Variants in PLCH2 observed in about 807,000 individuals in gnomAD.
The protein encoded by PLCH2 is 1-phosphatidylinositol 4,5-bisphosphate phosphodiesterase eta-2.
PLCH2 carries 98 observed loss-of-function variants against 134.7 expected under a neutral mutation model. The observed-to-expected ratio is 0.73, with a 90% CI of 0.62 to 0.86. The LOEUF is 0.86. Among genes scored for constraint, PLCH2 ranks in the 40% least tolerant of loss-of-function variants. The pLI, the probability that PLCH2 is intolerant of heterozygous loss-of-function variation, is 0.00. For synonymous variants in PLCH2, 974 were observed against 827.5 expected, an observed-to-expected ratio of 1.18 and a Z score of -3.04; for missense variants, 1,994 against 1,986.6, an observed-to-expected ratio of 1.00 and a Z score of -0.07.
chr1:2,499,179 G>A lies in PLCH2; in HGVS notation c.2530G>A (p.Gly844Arg), dbSNP rs1643072125. ...RFLVWDHDPIGRDFIGQRTLA... is the reference protein window; with the variant it reads ...RFLVWDHDPIRRDFIGQRTLA... ...CCTCGTCTGGGACCACGATCCCATC[G>A]GGCGTGACTTCATTGGCCAGAGGAC... The change falls in exon 19 of 22, where the codon GGG becomes AGG. Residue 844 changes from glycine (G) to arginine (R), a missense_variant. Coordinates refer to ENST00000378486, the MANE Select transcript of PLCH2 (RefSeq NM_014638.4). 6.2e-7 allele frequency: 1 copy of A among 1,613,076 alleles called. No homozygotes were observed. Among genetic ancestry groups the A allele is most frequent in the African/African-American group, 1.3e-5 (1 of 74,924 alleles).
intron 1 of PLCH2, among the ~76,000 whole-genome samples, chr1:2,426,542 C>T (rs572866103): frequency 4.6e-5 from 7 of 152,330 alleles, no homozygotes; most frequent in African/African-American, 1.4e-4. Flanking sequence ...CACACGAGCT[C>T]GGCCCAGTGC....
chr1:2,489,596 G>A (rs1642459027), intron 9 of PLCH2, among the ~76,000 whole-genome samples, 164 bp from the exon 10 acceptor site: 1 of 152,236 alleles, frequency 6.6e-6, no homozygotes, highest in Non-Finnish European at 1.5e-5. Context: ...CGCTGCTGCA[G>A]CCACAGGGAG....
At chr1:2,478,442 C>A (rs760781315) in intron 1 of PLCH2, 34 bp from the exon 2 acceptor site, 5 of 1,606,176 alleles carry the variant, frequency 3.1e-6, no homozygotes, top group Non-Finnish European at 4.3e-6. Context: ...AGTGGCTGTG[C>A]CTCCGCTGAC....
chr1:2,476,734 G>T, intron 1 of PLCH2, 22 bp downstream of exon 1: 6 of 1,588,428 alleles, frequency 3.8e-6, no homozygotes, highest in South Asian at 1.1e-5. Context: ...CAGGCGAGTG[G>T]CCTGGGCTGA....
intron 2 of PLCH2, among the ~76,000 whole-genome samples, chr1:2,431,325 A>T (rs10797424): frequency 0.31 from 45,481 of 145,456 alleles, 6,906 homozygotes; most frequent in South Asian, 0.38. Flanking sequence ...GTGTGTGCCC[A>T]AGTGCGTGTG....
At chr1:2,456,387 G>A (rs895605459) in intron 2 of PLCH2, among the ~76,000 whole-genome samples, 1 of 152,204 alleles carries the variant, frequency 6.6e-6, no homozygotes, top group Non-Finnish European at 1.5e-5. Flanking sequence ...GGCCCTGGGG[G>A]GCGGGTGGCG....
intron 2 of PLCH2, among the ~76,000 whole-genome samples, chr1:2,431,154 G>C (rs1395641350): frequency 6.6e-6 from 1 of 152,110 alleles, no homozygotes; most frequent in Non-Finnish European, 1.5e-5. Context: ...GTGCGTGTGT[G>C]TGTGTGTGCA....
chr1:2,436,902 G>A (rs1489421547), intron 2 of PLCH2, among the ~76,000 whole-genome samples: 1 of 152,244 alleles, frequency 6.6e-6, no homozygotes, highest in Non-Finnish European at 1.5e-5. Flanking sequence ...TCTGGTTAGA[G>A]TGTCCCAAGA....
chr1:2,442,867 G>A (rs1396938306), intron 2 of PLCH2, among the ~76,000 whole-genome samples: 1 of 152,234 alleles, frequency 6.6e-6, no homozygotes, highest in East Asian at 1.9e-4. Flanking sequence ...TCTGGACACA[G>A]GCCAGAGCTG....
In PLCH2 at chr1:2,504,606, T is replaced by C. The variant is rs1643434139; in HGVS notation, c.3644T>C (p.Ile1215Thr). 2.5e-6 allele frequency: 4 copies of C among 1,612,646 alleles called. No homozygotes were observed. The highest frequency in any genetic ancestry group is 3.4e-6 in the Non-Finnish European group (4 of 1,179,744). ...NLRATGQRPPIPDELQPRSLA... is the reference protein window; with the variant it reads ...NLRATGQRPPTPDELQPRSLA... ...CGGGCTACAGGCCAGCGGCCTCCCA[T>C]ACCTGACGAACTGCAGCCCAGGTCC... The change falls in exon 22 of 22, where the codon ATA becomes ACA. Residue 1215 changes from isoleucine (I) to threonine (T), a missense_variant. Ile to Thr is a moderately conservative substitution (Grantham distance 89, BLOSUM62 -1). Coordinates refer to ENST00000378486, the MANE Select transcript of PLCH2 (RefSeq NM_014638.4).
At chr1:2,480,069 A>G in intron 3 of PLCH2, 92 bp downstream of exon 3, 2 of 1,579,384 alleles carry the variant, frequency 1.3e-6, no homozygotes, top group Non-Finnish European at 1.7e-6. Flanking sequence ...CGGGTCACAC[A>G]CTGGGGAAGT....
chr1:2,440,683 C>G (rs1212023036), intron 2 of PLCH2, among the ~76,000 whole-genome samples: 1 of 135,552 alleles, frequency 7.4e-6, no homozygotes, highest in Admixed American at 7.2e-5. Flanking sequence ...CCATGTCTGT[C>G]GCTGGCCTTG....
intron 11 of PLCH2, among the ~76,000 whole-genome samples, chr1:2,491,662 T>C (rs1642589143): frequency 6.6e-6 from 1 of 152,240 alleles, no homozygotes; most frequent in Non-Finnish European, 1.5e-5. Flanking sequence ...CCTCAGGGGC[T>C]GTCATGGCAG....
Position 2,459,446 on chromosome 1 carries a change from G to A in PLCH2, c.116-19030G>A, listed in dbSNP as rs1388103888. On this transcript the variant is annotated intron_variant, in intron 2 of 3. Coordinates refer to the PLCH2 transcript ENST00000609981. ...CTTGCCGGTGGTCCTCCTTGCCGGTGGTCCTCCTTCCTGGTGGTTCTCCTT... is the reference window on the plus strand; with the variant it reads ...CTTGCCGGTGGTCCTCCTTGCCGGTAGTCCTCCTTCCTGGTGGTTCTCCTT... 1.9e-4 allele frequency among the ~76,000 whole-genome samples: 13 copies of A among 68,556 alleles called. 1 individual carries two copies. Among genetic ancestry groups the A allele is most frequent in the African/African-American group, 8.6e-4 (13 of 15,180 alleles). 45.0% of individuals were successfully genotyped at this position (68,556 alleles called of 152,430 possible).
chr1:2,499,160 C>A lies in PLCH2; in HGVS notation c.2511C>A (p.Val837=). The stretch of plus-strand genomic sequence containing the variant: ...AGATCGCGCTGGTCCGCTTCCTCGT[C>A]TGGGACCACGATCCCATCGGGCGTG... ...MPEIALVRFL[V]WDHDPIGRDF... is the part of the protein sequence containing the mutation. The change falls in exon 19 of 22, where the codon GTC becomes GTA. Residue 837 remains valine (V), a synonymous_variant. Transcript: ENST00000378486. The A allele has an allele frequency of 6.2e-7, 1 of 1,613,182 alleles. No individual in the cohort carries two copies. The highest frequency in any genetic ancestry group is 8.5e-7 in the Non-Finnish European group (1 of 1,179,762).
At chr1:2,460,076 T>C (rs995173709) in intron 2 of PLCH2, among the ~76,000 whole-genome samples, 1 of 152,276 alleles carries the variant, frequency 6.6e-6, no homozygotes. Context: ...TGTCCAGCCC[T>C]GCCCAGGCCC....
rs1049649841 is a variant in PLCH2, at chr1:2,484,537, C to T, written c.735C>T (p.Tyr245=). ...TGATGTCCACCCGCCGGGACCTCTA[C>T]CTGCTCATGCTGACCTACAGCAACC... ...YKMMSTRRDL[Y]LLMLTYSNHK... is the part of the protein sequence containing the mutation. Residue 245 remains tyrosine (Y), a synonymous_variant, in exon 5 of 22, where the codon TAC becomes TAT. Coordinates refer to ENST00000378486, the MANE Select transcript of PLCH2 (RefSeq NM_014638.4). 8 of 1,613,336 alleles carry T rather than the reference C, an allele frequency of 5.0e-6. No individual in the cohort carries two copies. The highest frequency in any genetic ancestry group is 1.6e-4 in the Middle Eastern group (1 of 6,062).
chr1:2,495,481 C>CCG lies in PLCH2; in HGVS notation c.1753-7_1753-6insCG. On this transcript the variant is annotated splice_region_variant and splice_polypyrimidine_tract_variant and intron_variant, in intron 12 of 21. Transcript: ENST00000378486. ...CCCTACAGCTCACACCTCTGCCCCC[C>CCG]GCACAGAAGAAGGGCAGCAAGCTGA... The CCG allele has an allele frequency of 6.4e-7, 1 of 1,550,980 alleles. No individual in the cohort carries two copies. Among genetic ancestry groups the CCG allele is most frequent in the Non-Finnish European group, 8.7e-7 (1 of 1,146,624 alleles).
the PLCH2 span, among the ~76,000 whole-genome samples, chr1:2,419,225 C>T: frequency 8.5e-5 from 13 of 152,316 alleles, no homozygotes; most frequent in East Asian, 7.7e-4. Flanking sequence ...TCTGCACGGT[C>T]GAGCTTCAAT....
Sources: allele counts gnomAD v4.1 joint callset (sites outside exome capture counted in the v4.1 genomes callset), GRCh38; gene constraint gnomAD v4.1.1; transcripts MANE v1.5; gene names NCBI Gene and HGNC (gene_info 2026-07-23, HGNC 2026-07-21).